The following LRIG3 variants were observed in gnomAD, a reference collection of about 807,000 sequenced individuals.
LRIG3 encodes the protein leucine rich repeats and immunoglobulin like domains 3, also known as leucine-rich repeats and immunoglobulin-like domains protein 3.
Under a neutral mutation model 114.5 loss-of-function variants are expected in LRIG3, and 76 were observed. The observed-to-expected ratio is 0.66, with a 90% CI of 0.55 to 0.80. LRIG3 has a LOEUF of 0.80. Among genes scored for constraint, LRIG3 ranks in the 30% least tolerant of loss-of-function variants. The pLI is 0.00. For missense variants in LRIG3, 1,239 were observed against 1,382.8 expected (o/e 0.90, Z 1.65); for synonymous variants, 512 against 519.8 (o/e 0.98, Z 0.20).
At chr12:58,875,211 C>A (rs1870876396) in intron 16 of LRIG3, among the ~76,000 whole-genome samples, 1 of 152,180 alleles carries the variant, frequency 6.6e-6, no homozygotes, top group African/African-American at 2.4e-5. Context: ...AGCATCTAGG[C>A]AGCCTGGCAT....
At chr12:58,875,936 C>T (rs1220414431) in intron 16 of LRIG3, among the ~76,000 whole-genome samples, 1 of 152,204 alleles carries the variant, frequency 6.6e-6, no homozygotes, top group African/African-American at 2.4e-5. Context: ...GCTGTAGTCC[C>T]AGTTACTTGG....
intron 1 of LRIG3, among the ~76,000 whole-genome samples, chr12:58,916,012 A>G (rs993891149): frequency 2.6e-5 from 4 of 152,216 alleles, no homozygotes; most frequent in African/African-American, 9.6e-5. Context: ...GGTCTTAAAA[A>G]GAAAGGGGAA....
intron 1 of LRIG3, among the ~76,000 whole-genome samples, chr12:58,914,760 C>A (rs1453391590): frequency 6.6e-6 from 1 of 152,198 alleles, no homozygotes; most frequent in Non-Finnish European, 1.5e-5. Flanking sequence ...GCATCAATGT[C>A]CTTATTGCAG....
chr12:58,899,118 CTTCT>C (rs1409799153), intron 3 of LRIG3, among the ~76,000 whole-genome samples: 3 of 152,204 alleles, frequency 2.0e-5, no homozygotes, highest in Admixed American at 2.0e-4. Flanking sequence ...ACCTTCAGGG[CTTCT>C]TTTTCTCTGG....
At position 58,890,047 on chromosome 12, in the gene LRIG3, C is replaced by T. The variant is rs144365133; in HGVS notation, c.608G>A (p.Arg203Gln). 785 of 1,613,774 alleles carry T rather than the reference C, an allele frequency of 4.9e-4. 4 individuals carry two copies. The African/African-American group carries it at 9.2e-3, about 19-fold the overall frequency. ...TLLVLKLNRN[R>Q]ISAIPPKMFK... ...CATCTTGGGTGGGATAGCTGAGATT[C>T]GGTTCCTGTTCAGCTTTAACACAAG... The change falls in exon 5 of 19, where the codon CGA becomes CAA. Residue 203 changes from arginine (R) to glutamine (Q), a missense_variant. Arg to Gln is a conservative substitution (Grantham distance 43, BLOSUM62 1). Transcript: ENST00000320743.
chr12:58,916,487 G>C (rs1343656324), intron 1 of LRIG3, among the ~76,000 whole-genome samples: 1 of 152,176 alleles, frequency 6.6e-6, no homozygotes, highest in East Asian at 1.9e-4. Flanking sequence ...TTCCAGTTAA[G>C]GGATGTCACA....
chr12:58,872,766 A>C lies in LRIG3; in HGVS notation c.3166T>G (p.Phe1056Val), dbSNP rs556895580. ...RRPHLDAYSSFGQPSDCQPRA... is the reference protein window; with the variant it reads ...RRPHLDAYSSVGQPSDCQPRA... Reference sequence around the variant, plus strand: ...GGCTGACAATCTGATGGCTGTCCAAAGCTTGAATAGGCATCTAGGTGAGGT... The same window carrying C: ...GGCTGACAATCTGATGGCTGTCCAACGCTTGAATAGGCATCTAGGTGAGGT... The change falls in exon 19 of 19, where the codon TTT (phenylalanine) becomes GTT (valine). Residue 1056 changes from phenylalanine to valine, a missense_variant. Phe to Val is a conservative substitution (Grantham distance 50). Coordinates refer to ENST00000320743, the MANE Select transcript of LRIG3 (RefSeq NM_153377.5). 5.6e-6 allele frequency: 9 copies of C among 1,614,120 alleles called. No individual in the cohort carries two copies. In the African/African-American group the frequency reaches 1.1e-4, roughly 19 times the overall value.
intron 1 of LRIG3, chr12:58,919,542 G>A (rs1872596600): frequency 6.5e-7 from 1 of 1,550,274 alleles, no homozygotes; most frequent in Admixed American, 2.0e-5. Flanking sequence ...CCTGACTTCA[G>A]TTACTGGGTG....
At chr12:58,913,026 T>C (rs956752176) in intron 3 of LRIG3, among the ~76,000 whole-genome samples, 3 of 152,198 alleles carry the variant, frequency 2.0e-5, no homozygotes, top group African/African-American at 7.2e-5. Context: ...ACCCGTGACT[T>C]AGCTGACCTG....
At chr12:58,894,180 A>G (rs1387346167) in intron 3 of LRIG3, among the ~76,000 whole-genome samples, 1 of 152,240 alleles carries the variant, frequency 6.6e-6, no homozygotes, top group Non-Finnish European at 1.5e-5. Context: ...AATTTCCTGA[A>G]CTGCACACCT....
intron 13 of LRIG3, chr12:58,880,339 A>ACATGTCTG: frequency 3.1e-6 from 2 of 651,552 alleles, no homozygotes; most frequent in Non-Finnish European, 5.5e-6. Flanking sequence ...AAGAGCAAAA[A>ACATGTCTG]CATGTCTGGT....
chr12:58,885,880 G>T lies in LRIG3; in HGVS notation c.1195C>A (p.Arg399Ser). The T allele has an allele frequency of 6.3e-7, 1 of 1,586,062 alleles. No individual in the cohort carries two copies. The highest frequency in any genetic ancestry group is 1.1e-5 in the South Asian group (1 of 89,090). Residue 399 changes from arginine (R) to serine (S), a missense_variant, in exon 10 of 19, where the codon CGT becomes AGT. By Grantham distance (110) the Arg-to-Ser change is moderately radical (BLOSUM62 -1). Coordinates refer to ENST00000320743, the MANE Select transcript of LRIG3 (RefSeq NM_153377.5). ...GTGAAGGCTTTTTTAGTAATAGAAC[G>T]GATCCGATTTCCTTGGAGTATCCTG... ...RRLILQGNRI[R>S]SITKKAFTGL...
chr12:58,908,201 T>A (rs1872139482), intron 3 of LRIG3, among the ~76,000 whole-genome samples: 1 of 152,292 alleles, frequency 6.6e-6, no homozygotes, highest in East Asian at 1.9e-4. Context: ...AAACCATGTA[T>A]CATCAACACA....
chr12:58,890,036 T>TA lies in LRIG3; in HGVS notation c.618dup (p.Ile207TyrfsTer7), dbSNP rs1489461318. The stretch of plus-strand genomic sequence containing the variant: ...GGCAGTTTAAACATCTTGGGTGGGA[T>TA]AGCTGAGATTCGGTTCCTGTTCAGC... On this transcript the variant is annotated frameshift_variant, in exon 5 of 19. Transcript: ENST00000320743. LOFTEE classifies it high-confidence loss of function. 9 of 1,613,792 alleles carry TA rather than the reference T, an allele frequency of 5.6e-6. No homozygotes were observed. Among genetic ancestry groups the TA allele is most frequent in the Non-Finnish European group, 7.6e-6 (9 of 1,179,874 alleles).
rs1253934481 is a variant in LRIG3 at position 58,920,187 on chromosome 12, G to A, written c.49C>T (p.Leu17=). 9 of 1,502,138 alleles carry A rather than the reference G, an allele frequency of 6.0e-6. No individual in the cohort carries two copies. The highest frequency in any genetic ancestry group is 2.2e-4 in the Middle Eastern group (1 of 4,512). 93.1% of individuals were successfully genotyped at this position (1,502,138 alleles called of 1,614,324 possible). Residue 17 remains leucine, a synonymous_variant, in exon 1 of 19, where the codon CTG becomes TTG. Coordinates refer to ENST00000320743, the MANE Select transcript of LRIG3 (RefSeq NM_153377.5). ...RARAAGLGLL[L]CAVLGRAGRS... is the part of the protein sequence containing the mutation. Reference sequence around the variant, plus strand: ...CCAGCGCGCCCCAGCACCGCGCACAGCAGCAGCCCCAACCCCGCGGCGCGC... The same window carrying A: ...CCAGCGCGCCCCAGCACCGCGCACAACAGCAGCCCCAACCCCGCGGCGCGC...
At chr12:58,891,559 A>G (rs1203593802) in intron 3 of LRIG3, among the ~76,000 whole-genome samples, 1 of 152,162 alleles carries the variant, frequency 6.6e-6, no homozygotes, top group Non-Finnish European at 1.5e-5. Flanking sequence ...AAAAGTGCCC[A>G]TATTACAGGT....
At chr12:58,905,089 G>T (rs938005891) in intron 3 of LRIG3, among the ~76,000 whole-genome samples, 1 of 152,172 alleles carries the variant, frequency 6.6e-6, no homozygotes, top group Non-Finnish European at 1.5e-5. Flanking sequence ...GAACTGAGGA[G>T]TGACTCCAGA....
At chr12:58,919,449 AG>A (rs773072064) in intron 1 of LRIG3, 6 of 1,551,666 alleles carry the variant, frequency 3.9e-6, no homozygotes, top group Non-Finnish European at 5.2e-6. Context: ...TGAAAAAGCA[AG>A]CAGAGGGAGA....
rs1047873126 is a variant in LRIG3 at position 58,885,904 on chromosome 12, T to C, written c.1173-2A>G. 3.2e-6 allele frequency: 5 copies of C among 1,576,832 alleles called. No individual in the cohort carries two copies. The highest frequency in any genetic ancestry group is 4.3e-6 in the Non-Finnish European group (5 of 1,156,590). ...CGGATCCGATTTCCTTGGAGTATCC[T>C]GGGGAAAAAAATTACATTGGAGCAC... On this transcript the variant is annotated splice_acceptor_variant, in intron 9 of 18. Transcript: ENST00000320743. LOFTEE classifies it high-confidence loss of function.
Sources: allele counts gnomAD v4.1 joint callset (sites outside exome capture counted in the v4.1 genomes callset), GRCh38; gene constraint gnomAD v4.1.1; transcripts MANE v1.5; gene names NCBI Gene and HGNC (gene_info 2026-07-23, HGNC 2026-07-21).